APBB1IP: variants seen among roughly 807,000 people sequenced by gnomAD.
APBB1IP encodes the protein amyloid beta precursor protein binding family B member 1 interacting protein.
In APBB1IP, 27 loss-of-function variants were observed where a neutral mutation model predicts 64.9. The ratio of observed to expected loss-of-function variants is 0.42; its 90% CI spans 0.31 to 0.57. The LOEUF (loss-of-function observed/expected upper bound fraction) is 0.57, where lower values mean the gene tolerates loss of function less well. Ranked by LOEUF, APBB1IP falls within the 20% of genes least tolerant of loss-of-function variation. The pLI, the probability that APBB1IP is intolerant of heterozygous loss-of-function variation, is 0.20. For missense variants in APBB1IP, 812 were observed against 845.5 expected, an observed-to-expected ratio of 0.96 and a Z score of 0.49; for synonymous variants, 392 against 331.0, an observed-to-expected ratio of 1.18 and a Z score of -2.00.
At chr10:26,503,925 TGGG>T (rs1471053400) in intron 6 of APBB1IP, among the ~76,000 whole-genome samples, 4 of 152,210 alleles carry the variant, frequency 2.6e-5, no homozygotes, top group Non-Finnish European at 5.9e-5. Context: ...GCCTTTGGCT[TGGG>T]TGCTGTACAG....
intron 6 of APBB1IP, among the ~76,000 whole-genome samples, chr10:26,506,250 TG>T (rs60855722): frequency 0.14 from 8,593 of 62,038 alleles, 251 homozygotes; most frequent in East Asian, 0.28. Context: ...CGTGTGTGTG[TG>T]GGGGGGGGGG....
At chr10:26,534,539 GGCTCATGCTGGAGCCAATTA>G (rs1028217506) in intron 9 of APBB1IP, among the ~76,000 whole-genome samples, 1 of 152,112 alleles carries the variant, frequency 6.6e-6, no homozygotes, top group African/African-American at 2.4e-5. Context: ...GGAGCCAATT[GGCTCATGCTGGAGCCAATTA>G]GCTCATGCTG....
chr10:26,545,630 G>C (rs893018445), intron 11 of APBB1IP, among the ~76,000 whole-genome samples: 1 of 152,010 alleles, frequency 6.6e-6, no homozygotes, highest in Non-Finnish European at 1.5e-5. Flanking sequence ...CGTGGTAGCG[G>C]GCGCCTGTAG....
At chr10:26,541,957 T>C (rs1564373817) in intron 11 of APBB1IP, among the ~76,000 whole-genome samples, 1 of 152,226 alleles carries the variant, frequency 6.6e-6, no homozygotes, top group Non-Finnish European at 1.5e-5. Context: ...AATTAATTTA[T>C]AATGTTATCG....
intron 2 of APBB1IP, among the ~76,000 whole-genome samples, chr10:26,447,390 A>AG (rs1397556490): frequency 4.0e-5 from 6 of 151,826 alleles, no homozygotes. Flanking sequence ...AAAAAAAAAA[A>AG]AAAAAAGAAA....
At chr10:26,447,374 CAAAAAAAAAAA>C (rs55948326) in intron 2 of APBB1IP, among the ~76,000 whole-genome samples, 1 of 55,028 alleles carries the variant, frequency 1.8e-5, no homozygotes, top group Admixed American at 2.2e-4. Flanking sequence ...GACTCCGTCT[CAAAAAAAAAAA>C]AAAAAAAAAA....
At position 26,513,534 on chromosome 10, in the gene APBB1IP, A is replaced by T. The variant is rs780414402; in HGVS notation, c.692-5A>T. The T allele has an allele frequency of 5.6e-6, 9 of 1,611,796 alleles. No homozygotes were observed. The Admixed American group carries it at 1.5e-4, about 27-fold the overall frequency. On this transcript the variant is annotated splice_polypyrimidine_tract_variant and splice_region_variant and intron_variant, in intron 7 of 14. Transcript: ENST00000376236. ...CTGAAAGAATACCTTTTCTTATTTC[A>T]TCAGAGAGGTTTTTTGAAGACCATG...
chr10:26,517,759 C>T (rs1836350380), intron 8 of APBB1IP, among the ~76,000 whole-genome samples: 1 of 152,162 alleles, frequency 6.6e-6, no homozygotes, highest in Admixed American at 6.6e-5. Flanking sequence ...GTGACTATAC[C>T]AAAACCTATT....
At chr10:26,505,280 T>C (rs1193769775) in intron 6 of APBB1IP, among the ~76,000 whole-genome samples, 3 of 152,206 alleles carry the variant, frequency 2.0e-5, no homozygotes, top group Non-Finnish European at 4.4e-5. Context: ...AAGGTTCATC[T>C]AGGGGAGTCT....
At chr10:26,521,363 A>G (rs973453796) in intron 8 of APBB1IP, among the ~76,000 whole-genome samples, 2 of 152,222 alleles carry the variant, frequency 1.3e-5, no homozygotes, top group Non-Finnish European at 2.9e-5. Flanking sequence ...CAGATTACTG[A>G]AAGGACCCAG....
intron 11 of APBB1IP, among the ~76,000 whole-genome samples, chr10:26,557,047 A>G (rs900549911): frequency 1.3e-5 from 2 of 152,232 alleles, no homozygotes; most frequent in Admixed American, 6.5e-5. Context: ...TTTTTCATCA[A>G]TATGACCTTC....
chr10:26,475,447 T>C (rs1835764566), intron 2 of APBB1IP, among the ~76,000 whole-genome samples: 1 of 152,128 alleles, frequency 6.6e-6, no homozygotes, highest in Non-Finnish European at 1.5e-5. Flanking sequence ...TTGTGTGGAT[T>C]TGAGTACATG....
rs1835899745 is a variant in APBB1IP, at chr10:26,486,952, A to G, written c.1-5375A>G. Among the ~76,000 whole-genome samples, 5 of 152,190 alleles carry G rather than the reference A, an allele frequency of 3.3e-5. 1 individual carries two copies. The South Asian group carries it at 1.0e-3, about 32-fold the overall frequency. ...CCTCACCCCTCATCTATCCAATAAT[A>G]ACAATAATAATCACAAAATCTAGCT... On this transcript the variant is annotated intron_variant, in intron 2 of 14. Coordinates refer to ENST00000376236, the MANE Select transcript of APBB1IP (RefSeq NM_019043.4).
At position 26,562,396 on chromosome 10, in the gene APBB1IP, C is replaced by T. The variant is rs1157665648; in HGVS notation, c.1440C>T (p.Leu480=). Residue 480 remains leucine (L), a synonymous_variant, in exon 14 of 15, where the codon CTC becomes CTT. Transcript: ENST00000376236. ...CTACACATTCTGTCAGTGCTGTTCT[C>T]CAAGAGGCCCAGAGACATGCTGAAA... ...PQATHSVSAV[L]QEAQRHAETS... is the part of the protein sequence containing the mutation. 1.9e-6 allele frequency: 3 copies of T among 1,613,994 alleles called. No individual in the cohort carries two copies. The highest frequency in any genetic ancestry group is 1.7e-4 in the Middle Eastern group (1 of 6,058).
chr10:26,492,505 G>A (rs889818259), intron 3 of APBB1IP, 107 bp downstream of exon 3: 9 of 975,664 alleles, frequency 9.2e-6, no homozygotes, highest in African/African-American at 8.2e-5. Flanking sequence ...GATATCGGGG[G>A]AACCAGCCCC....
chr10:26,496,056 A>G (rs1391505593), intron 3 of APBB1IP, among the ~76,000 whole-genome samples: 1 of 148,826 alleles, frequency 6.7e-6, no homozygotes, highest in Non-Finnish European at 1.5e-5. Context: ...AAAATTAACT[A>G]CCTCATTATC....
At chr10:26,438,901 C>A (rs1835309268) in intron 2 of APBB1IP, 48 bp downstream of exon 2, 1 of 152,160 alleles carries the variant, frequency 6.6e-6, no homozygotes, top group Non-Finnish European at 1.5e-5. Context: ...CCAGCACGGG[C>A]CCCTCGGGGC....
chr10:26,461,458 T>A (rs972329764), intron 2 of APBB1IP, among the ~76,000 whole-genome samples: 1 of 152,180 alleles, frequency 6.6e-6, no homozygotes, highest in Non-Finnish European at 1.5e-5. Context: ...TTCCGTTGGT[T>A]TATTTATGTA....
intron 11 of APBB1IP, among the ~76,000 whole-genome samples, chr10:26,556,012 C>G (rs946019786): frequency 6.6e-6 from 1 of 152,192 alleles, no homozygotes; most frequent in African/African-American, 2.4e-5. Flanking sequence ...GGATAAATTG[C>G]TCACCCTCTC....
Sources: allele counts gnomAD v4.1 joint callset (sites outside exome capture counted in the v4.1 genomes callset), GRCh38; gene constraint gnomAD v4.1.1; transcripts MANE v1.5; gene names NCBI Gene and HGNC (gene_info 2026-07-23, HGNC 2026-07-21).